CDH12: variants seen among roughly 807,000 people sequenced by gnomAD.
CDH12 encodes the protein cadherin-12.
CDH12 carries 41 observed loss-of-function variants against 74.1 expected under a neutral mutation model. The ratio of observed to expected loss-of-function variants is 0.55; its 90% CI spans 0.43 to 0.72. The LOEUF is 0.72. CDH12 is among the 30% of genes least tolerant of loss of function. The pLI is 0.00. For synonymous variants in CDH12, 399 were observed against 355.0 expected, an observed-to-expected ratio of 1.12 and a Z score of -1.39; for missense variants, 945 against 977.2, an observed-to-expected ratio of 0.97 and a Z score of 0.44.
chr5:22,212,367 G>A (rs1377581797), intron 4 of CDH12, 131 bp downstream of exon 4: 2 of 324,144 alleles, frequency 6.2e-6, no homozygotes, highest in African/African-American at 4.5e-5. Flanking sequence ...TTCACTCCAG[G>A]AAACTTGCTT....
chr5:22,180,690 G>A (rs555464023), intron 4 of CDH12, among the ~76,000 whole-genome samples: 2 of 151,630 alleles, frequency 1.3e-5, no homozygotes, highest in South Asian at 2.1e-4. Context: ...CTTTAGAGAC[G>A]GGGTTTTGCC....
chr5:22,110,970 C>T (rs1037780325), intron 4 of CDH12, among the ~76,000 whole-genome samples: 2 of 152,188 alleles, frequency 1.3e-5, no homozygotes, highest in Non-Finnish European at 2.9e-5. Context: ...AGATCTCCCT[C>T]ACTGCCATAA....
At chr5:22,492,155 G>T (rs1361506259) in intron 2 of CDH12, among the ~76,000 whole-genome samples, 1 of 152,080 alleles carries the variant, frequency 6.6e-6, no homozygotes, top group African/African-American at 2.4e-5. Context: ...CAGAAGCACA[G>T]ATAACAGCGC....
At chr5:22,320,605 A>C (rs2150436710) in intron 3 of CDH12, among the ~76,000 whole-genome samples, 1 of 152,330 alleles carries the variant, frequency 6.6e-6, no homozygotes, top group South Asian at 2.1e-4. Flanking sequence ...GAATTAAACC[A>C]ACATTTATTT....
rs1457601984 is a variant in CDH12, at chr5:21,938,834, A to G, written c.526+36257T>C. Among the ~76,000 whole-genome samples, 8 of 148,814 alleles carry G rather than the reference A, an allele frequency of 5.4e-5. No homozygotes were observed. In the East Asian group the frequency reaches 1.6e-3, roughly 29 times the overall value. On this transcript the variant is annotated intron_variant, in intron 6 of 14. Coordinates refer to ENST00000382254, the MANE Select transcript of CDH12 (RefSeq NM_004061.5). Reference sequence around the variant, plus strand: ...CAATTTTTACCAGGTTTGAAAGGGGAGCAGTCCTTTGAATTAGAATTATTT... The same window carrying G: ...CAATTTTTACCAGGTTTGAAAGGGGGGCAGTCCTTTGAATTAGAATTATTT...
intron 4 of CDH12, among the ~76,000 whole-genome samples, chr5:22,210,470 A>G (rs537176615): frequency 1.3e-5 from 2 of 149,920 alleles, no homozygotes; most frequent in Admixed American, 6.7e-5. Context: ...TCCTTTAAGC[A>G]ATTGCATTTT....
intron 3 of CDH12, among the ~76,000 whole-genome samples, chr5:22,356,858 G>C (rs1018668998): frequency 5.9e-5 from 9 of 151,938 alleles, no homozygotes; most frequent in African/African-American, 2.2e-4. Context: ...GTCAACTGAT[G>C]GTCTGAGAAA....
chr5:22,575,171 G>A (rs570951602), intron 1 of CDH12, among the ~76,000 whole-genome samples: 1 of 152,230 alleles, frequency 6.6e-6, no homozygotes, highest in Admixed American at 6.5e-5. Flanking sequence ...CTCACCCAGT[G>A]TGTGGTGTGC....
intron 1 of CDH12, among the ~76,000 whole-genome samples, chr5:22,690,872 A>G (rs1176354522): frequency 6.6e-6 from 1 of 152,044 alleles, no homozygotes; most frequent in African/African-American, 2.4e-5. Flanking sequence ...TTCTCATGAG[A>G]CAGTTTTCAG....
chr5:22,301,170 C>T (rs999043164), intron 3 of CDH12, among the ~76,000 whole-genome samples: 1 of 151,886 alleles, frequency 6.6e-6, no homozygotes, highest in East Asian at 1.9e-4. Flanking sequence ...TAAATTCTAC[C>T]CAGGCGTATT....
chr5:22,792,552 T>C (rs930148010), intron 1 of CDH12, among the ~76,000 whole-genome samples: 2 of 152,226 alleles, frequency 1.3e-5, no homozygotes, highest in African/African-American at 4.8e-5. Flanking sequence ...TTCCTGCTTT[T>C]TGGCATACAC....
chr5:22,281,261 C>T (rs1018789086), intron 3 of CDH12, among the ~76,000 whole-genome samples: 6 of 152,090 alleles, frequency 3.9e-5, no homozygotes, highest in African/African-American at 1.4e-4. Flanking sequence ...AACCCACAGC[C>T]AATATCATAC....
intron 2 of CDH12, among the ~76,000 whole-genome samples, chr5:22,500,618 A>T (rs897767323): frequency 6.6e-6 from 1 of 152,184 alleles, no homozygotes; most frequent in African/African-American, 2.4e-5. Flanking sequence ...TGACAGGTCA[A>T]TGCTAATTGA....
chr5:22,804,130 T>A (rs573460062), intron 1 of CDH12, among the ~76,000 whole-genome samples: 2 of 151,538 alleles, frequency 1.3e-5, no homozygotes, highest in Admixed American at 6.6e-5. Context: ...ACATTTCAAG[T>A]TTTTTTTTAC....
At chr5:21,885,000 C>T (rs530452344) in intron 6 of CDH12, among the ~76,000 whole-genome samples, 7 of 152,206 alleles carry the variant, frequency 4.6e-5, no homozygotes, top group African/African-American at 1.7e-4. Flanking sequence ...ATTCTCCTGC[C>T]TCAGCCTCCC....
intron 1 of CDH12, among the ~76,000 whole-genome samples, chr5:22,591,949 G>C (rs1346779399): frequency 1.4e-5 from 2 of 145,552 alleles, no homozygotes; most frequent in Non-Finnish European, 3.0e-5. Flanking sequence ...CAAGTTATTT[G>C]GCTTGAATCT....
At chr5:22,278,561 C>G (rs1382121165) in intron 3 of CDH12, among the ~76,000 whole-genome samples, 1 of 151,266 alleles carries the variant, frequency 6.6e-6, no homozygotes, top group East Asian at 1.9e-4. Flanking sequence ...TTTTTTTTAA[C>G]TCAGATTTTG....
At chr5:21,888,051 G>C (rs1223518018) in intron 6 of CDH12, among the ~76,000 whole-genome samples, 2 of 151,950 alleles carry the variant, frequency 1.3e-5, no homozygotes, top group Non-Finnish European at 2.9e-5. Flanking sequence ...CAACAAAACA[G>C]TCACACTAAG....
intron 11 of CDH12, among the ~76,000 whole-genome samples, chr5:21,775,486 G>A (rs891401080): frequency 7.2e-5 from 11 of 152,118 alleles, no homozygotes; most frequent in African/African-American, 2.4e-4. Flanking sequence ...TTAAGGCTCT[G>A]TTGAATGAAG....
Sources: gnomAD v4.1 joint callset for allele counts (sites outside exome capture counted in the v4.1 genomes callset) on GRCh38, gnomAD v4.1.1 for gene constraint, MANE v1.5 for transcripts, NCBI Gene and HGNC (gene_info 2026-07-23, HGNC 2026-07-21) for gene names.